SLC4A4: variants seen among roughly 807,000 people sequenced by gnomAD.
SLC4A4 encodes solute carrier family 4 member 4.
A neutral mutation model predicts 111.5 loss-of-function variants in SLC4A4; 27 were observed. The ratio of observed to expected loss-of-function variants is 0.24; its 90% CI spans 0.18 to 0.33. SLC4A4 has a LOEUF of 0.33. Ranked by LOEUF, SLC4A4 falls within the 10% of genes least tolerant of loss-of-function variation. The pLI, the probability that SLC4A4 is intolerant of heterozygous loss-of-function variation, is 1.00. For missense variants in SLC4A4, 909 were observed against 1,315.5 expected (o/e 0.69, Z 4.78); for synonymous variants, 443 against 463.4 (o/e 0.96, Z 0.57).
At position 71,295,068 on chromosome 4, in the gene SLC4A4, G is replaced by T. The variant is rs1310703144; in HGVS notation, c.253+39669G>T. 2.0e-5 allele frequency among the ~76,000 whole-genome samples: 3 copies of T among 152,174 alleles called. No homozygotes were observed. The East Asian group carries it at 5.8e-4, about 29-fold the overall frequency. ...AGATGTTAAATTTTTAGATATGGTT[G>T]ATTGGGGGAAATTAACAATTTCAAT... On this transcript the variant is annotated intron_variant, in intron 3 of 25. Transcript: ENST00000264485.
At chr4:71,507,032 A>G (rs1731482085) in intron 16 of SLC4A4, among the ~76,000 whole-genome samples, 1 of 152,192 alleles carries the variant, frequency 6.6e-6, no homozygotes, top group Non-Finnish European at 1.5e-5. Context: ...TTATTTTCAG[A>G]CAAGCAAATG....
intron 1 of SLC4A4, among the ~76,000 whole-genome samples, chr4:71,194,695 T>C (rs768330728): frequency 1.3e-5 from 2 of 152,296 alleles, no homozygotes; most frequent in South Asian, 2.1e-4. Flanking sequence ...AGCTTACACA[T>C]TGAATATTTT....
At chr4:71,137,348 T>C (rs1201364696) in intron 2 of SLC4A4, among the ~76,000 whole-genome samples, 5 of 152,202 alleles carry the variant, frequency 3.3e-5, no homozygotes, top group Non-Finnish European at 5.9e-5. Flanking sequence ...AAGAAACTTC[T>C]TGATCACTTA....
chr4:71,200,780 C>A (rs1049066320), intron 1 of SLC4A4, among the ~76,000 whole-genome samples: 1 of 149,434 alleles, frequency 6.7e-6, no homozygotes, highest in Non-Finnish European at 1.5e-5. Flanking sequence ...AGGTTCTACA[C>A]ATGTGTCCCA....
intron 3 of SLC4A4, among the ~76,000 whole-genome samples, chr4:71,306,537 T>A (rs1481529098): frequency 6.6e-6 from 1 of 151,860 alleles, no homozygotes; most frequent in East Asian, 1.9e-4. Flanking sequence ...GAGCTGAGAT[T>A]GCGCCACTGC....
At chr4:71,185,577 C>T (rs1578562520), upstream of SLC4A4, among the ~76,000 whole-genome samples, 1 of 152,186 alleles carries the variant, frequency 6.6e-6, no homozygotes, top group East Asian at 1.9e-4. Flanking sequence ...ATTTTAATTT[C>T]AGACATCAGA....
chr4:71,357,227 AT>A, intron 6 of SLC4A4, 40 bp downstream of exon 6: 1 of 1,588,432 alleles, frequency 6.3e-7, no homozygotes, highest in Non-Finnish European at 8.6e-7. Flanking sequence ...TCTCTTACTT[AT>A]TTCACTCACC....
chr4:71,466,270 G>A (rs1727301565), intron 12 of SLC4A4, among the ~76,000 whole-genome samples, 174 bp from the exon 13 acceptor site: 2 of 152,146 alleles, frequency 1.3e-5, no homozygotes, highest in South Asian at 4.1e-4. Flanking sequence ...TGAAATAAAT[G>A]TGAAATAAGT....
intron 7 of SLC4A4, among the ~76,000 whole-genome samples, chr4:71,418,870 G>A (rs1333707899): frequency 1.3e-5 from 2 of 152,136 alleles, no homozygotes; most frequent in Non-Finnish European, 2.9e-5. Flanking sequence ...ACGGGTTTTT[G>A]GTGTGGATGT....
At chr4:71,392,301 T>C (rs1405733458) in intron 6 of SLC4A4, among the ~76,000 whole-genome samples, 1 of 152,130 alleles carries the variant, frequency 6.6e-6, no homozygotes, top group Non-Finnish European at 1.5e-5. Context: ...TGTGTGTTTA[T>C]GTGGCAAGGA....
rs143312170 is a variant in SLC4A4 at position 71,305,315 on chromosome 4, T to A, written c.254-34055T>A. 5.8e-3 allele frequency among the ~76,000 whole-genome samples: 880 copies of A among 152,346 alleles called. 7 individuals are homozygous for A. The highest frequency in any genetic ancestry group is 0.023 in the Admixed American group (358 of 15,304). On this transcript the variant is annotated intron_variant, in intron 3 of 25. Transcript: ENST00000264485. ...GTAACCTTTGGTGATTGACTTAATC[T>A]ATCTAAACCTTCATTTTTAGATTGA...
chr4:71,369,440 A>C (rs1731648233), intron 6 of SLC4A4, among the ~76,000 whole-genome samples: 1 of 152,140 alleles, frequency 6.6e-6, no homozygotes, highest in Non-Finnish European at 1.5e-5. Context: ...TCCATGGGAC[A>C]CTTCTCTGAA....
intron 2 of SLC4A4, among the ~76,000 whole-genome samples, chr4:71,151,705 C>T (rs573976779): frequency 8.7e-4 from 131 of 150,592 alleles, no homozygotes; most frequent in African/African-American, 2.9e-3. Flanking sequence ...GATCACTTGA[C>T]CCCGGGAGTT....
At chr4:71,446,604 C>A (rs952143628) in intron 8 of SLC4A4, among the ~76,000 whole-genome samples, 7 of 152,158 alleles carry the variant, frequency 4.6e-5, no homozygotes, top group Non-Finnish European at 1.0e-4. Flanking sequence ...TTTTCCTCAC[C>A]ATTAAATGGG....
At chr4:71,378,357 C>T (rs1717737013) in intron 6 of SLC4A4, among the ~76,000 whole-genome samples, 1 of 152,198 alleles carries the variant, frequency 6.6e-6, no homozygotes, top group Non-Finnish European at 1.5e-5. Context: ...TGGAAGGCCA[C>T]TGTGCAGAAA....
chr4:71,144,164 T>G (rs936446686), intron 2 of SLC4A4, among the ~76,000 whole-genome samples: 1 of 152,230 alleles, frequency 6.6e-6, no homozygotes, highest in Non-Finnish European at 1.5e-5. Flanking sequence ...TTTCTACATA[T>G]GGTTAGCCAG....
intron 20 of SLC4A4, among the ~76,000 whole-genome samples, chr4:71,551,705 T>C (rs926470410): frequency 6.6e-6 from 1 of 151,926 alleles, no homozygotes; most frequent in East Asian, 1.9e-4. Flanking sequence ...TCATTCACTT[T>C]CATTTTCCAT....
rs372163370 is a variant in SLC4A4 at position 71,423,070 on chromosome 4, G to A, written c.808-17546G>A. On this transcript the variant is annotated intron_variant, in intron 7 of 25. Coordinates refer to ENST00000264485, the MANE Select transcript of SLC4A4 (RefSeq NM_001098484.3). ...ATTGTCCCTGTTTGCAGACGACATG[G>A]TTGTATATCTAGAAAACCCCATTGT... Among the ~76,000 whole-genome samples, 9 of 152,224 alleles carry A rather than the reference G, an allele frequency of 5.9e-5. No homozygotes were observed. The South Asian group carries it at 1.4e-3, about 25-fold the overall frequency.
chr4:71,360,707 G>A (rs1276144567), intron 6 of SLC4A4, among the ~76,000 whole-genome samples: 2 of 152,070 alleles, frequency 1.3e-5, no homozygotes, highest in African/African-American at 4.8e-5. Context: ...TGATGCAAGA[G>A]TTTGGCCAAG....
Sources: gnomAD v4.1 joint callset for allele counts (sites outside exome capture counted in the v4.1 genomes callset) on GRCh38, gnomAD v4.1.1 for gene constraint, MANE v1.5 for transcripts, NCBI Gene and HGNC (gene_info 2026-07-23, HGNC 2026-07-21) for gene names.